The following SNAI1 variants were observed in gnomAD, a reference collection of about 807,000 sequenced individuals.
The protein encoded by SNAI1 is zinc finger protein SNAI1.
A neutral mutation model predicts 24.7 loss-of-function variants in SNAI1; 15 were observed. The ratio of observed to expected loss-of-function variants is 0.61; its 90% CI spans 0.41 to 0.93. The LOEUF is 0.93. SNAI1 is among the 40% of genes least tolerant of loss of function. The pLI is 0.00. For missense variants in SNAI1, 283 were observed against 336.7 expected, an observed-to-expected ratio of 0.84 and a Z score of 1.25; for synonymous variants, 163 against 142.9, an observed-to-expected ratio of 1.14 and a Z score of -1.00.
intron 2 of SNAI1, among the ~76,000 whole-genome samples, chr20:49,985,087 AC>A (rs2078329883): frequency 6.6e-6 from 1 of 151,960 alleles, no homozygotes; most frequent in Non-Finnish European, 1.5e-5. Context: ...CGGCTTCCCC[AC>A]CCCCACTGAA....
intron 2 of SNAI1, 121 bp downstream of exon 2, chr20:49,984,472 T>A: frequency 9.5e-7 from 1 of 1,047,412 alleles, no homozygotes; most frequent in Non-Finnish European, 1.3e-6. Context: ...AACTTCTAGC[T>A]CAAGTTCCAG....
intron 2 of SNAI1, among the ~76,000 whole-genome samples, chr20:49,984,791 T>C (rs556469465): frequency 6.6e-6 from 1 of 152,374 alleles, no homozygotes; most frequent in South Asian, 2.1e-4. Flanking sequence ...GTGAGCCTCA[T>C]TTTCTCTATC....
chr20:49,987,846 CG>C, intron 2 of SNAI1, 25 bp from the exon 3 acceptor site: 1 of 1,610,920 alleles, frequency 6.2e-7, no homozygotes, highest in Non-Finnish European at 8.5e-7. Context: ...ACGGCTCACT[CG>C]GCCTTTCTGG....
rs2078340637 is a variant in SNAI1, at chr20:49,988,264, G to A, written c.*208G>A. On this transcript the variant is annotated 3_prime_UTR_variant, in exon 3 of 3. Transcript: ENST00000244050. ...TGGGCTCTGGAAGAGGCCTTCCCAT[G>A]GCCATTTCTGTGGAGGGAGGGCAGC... is the stretch of plus-strand genomic sequence containing the variant. The A allele has an allele frequency of 1.9e-6, 1 of 530,078 alleles. No individual in the cohort carries two copies. The highest frequency in any genetic ancestry group is 3.3e-5 in the East Asian group (1 of 30,632). 32.8% of individuals were successfully genotyped at this position (530,078 alleles called of 1,614,324 possible).
chr20:49,983,861 G>A lies in SNAI1; in HGVS notation c.120G>A (p.Leu40=). 2 of 1,609,878 alleles carry A rather than the reference G, an allele frequency of 1.2e-6. No individual in the cohort carries two copies. The highest frequency in any genetic ancestry group is 1.7e-6 in the Non-Finnish European group (2 of 1,178,446). The stretch of plus-strand genomic sequence containing the variant: ...AGCAGCCCTACGACCAGGCCCACCT[G>A]CTGGCAGCCATCCCACCTCCGGAGA... The part of the protein sequence containing the change: ...TFQQPYDQAH[L]LAAIPPPEIL... Residue 40 remains leucine, a synonymous_variant, in exon 2 of 3, where the codon CTG becomes CTA. Coordinates refer to ENST00000244050, the MANE Select transcript of SNAI1 (RefSeq NM_005985.4).
chr20:49,985,084 C>T (rs775436887), intron 2 of SNAI1, among the ~76,000 whole-genome samples: 4 of 152,130 alleles, frequency 2.6e-5, no homozygotes, highest in Non-Finnish European at 5.9e-5. Context: ...GGTCGGCTTC[C>T]CCACCCCCAC....
Position 49,988,009 on chromosome 20 carries a change from C to G in SNAI1, c.748C>G (p.Leu250Val). 1 of 1,613,102 alleles carries G rather than the reference C, an allele frequency of 6.2e-7. No homozygotes were observed. The highest frequency in any genetic ancestry group is 8.5e-7 in the Non-Finnish European group (1 of 1,179,350). ...TGCTCGGACCTTCTCCCGAATGTCCCTGCTCCACAAGCACCAAGAGTCCGG... is the reference window on the plus strand; with the variant it reads ...TGCTCGGACCTTCTCCCGAATGTCCGTGCTCCACAAGCACCAAGAGTCCGG... ...ACARTFSRMS[L>V]LHKHQESGCS... Residue 250 changes from leucine (L) to valine (V), a missense_variant, in exon 3 of 3, where the codon CTG becomes GTG. Transcript: ENST00000244050.
rs762606596 is a variant in SNAI1, at chr20:49,983,913, A to G, written c.172A>G (p.Met58Val). Residue 58 changes from methionine to valine, a missense_variant, in exon 2 of 3, where the codon ATG becomes GTG. Transcript: ENST00000244050. ...CCTCAACCCCACCGCCTCGCTGCCA[A>G]TGCTCATCTGGGACTCTGTCCTGGC... ...EILNPTASLPMLIWDSVLAPQ... is the reference protein window; with the variant it reads ...EILNPTASLPVLIWDSVLAPQ... The G allele has an allele frequency of 7.4e-6, 12 of 1,613,254 alleles. No individual in the cohort carries two copies. Among genetic ancestry groups the G allele is most frequent in the African/African-American group, 1.3e-5 (1 of 74,868 alleles).
intron 1 of SNAI1, among the ~76,000 whole-genome samples, chr20:49,983,490 TG>T (rs1273252760): frequency 7.2e-5 from 2 of 27,728 alleles, no homozygotes; most frequent in East Asian, 1.7e-3. Flanking sequence ...AGGGGAGGGG[TG>T]GGGAGACGAG....
At position 49,988,569 on chromosome 20, in the gene SNAI1, C is replaced by T. The variant is rs933057156; in HGVS notation, c.*513C>T. On this transcript the variant is annotated 3_prime_UTR_variant, in exon 3 of 3. Coordinates refer to ENST00000244050, the MANE Select transcript of SNAI1 (RefSeq NM_005985.4). ...GTGGCAGACTAGAGTCTGAGATGCC[C>T]CGAGCCCAGGCAGCTATTTCAGCCT... 2 of 152,970 alleles carry T rather than the reference C, an allele frequency of 1.3e-5. No homozygotes were observed. Among genetic ancestry groups the T allele is most frequent in the African/African-American group, 4.8e-5 (2 of 41,466 alleles). 9.5% of individuals were successfully genotyped at this position (152,970 alleles called of 1,614,324 possible). A position where few individuals can be genotyped will look rare whatever the true frequency, so the allele number is the denominator to read the frequency against.
rs764552671 is a variant in SNAI1 at position 49,985,943 on chromosome 20, C to T, written c.610+1592C>T. On this transcript the variant is annotated intron_variant, in intron 2 of 2. Coordinates refer to ENST00000244050, the MANE Select transcript of SNAI1 (RefSeq NM_005985.4). The stretch of plus-strand genomic sequence containing the variant: ...GCCTCCTGCGTGTGCACACAGCCCC[C>T]GCCCCCAGCCCATCATGTCCTAGAA... Among the ~76,000 whole-genome samples the T allele has an allele frequency of 1.8e-3, 280 of 152,328 alleles. 2 individuals carry two copies. The highest frequency in any genetic ancestry group is 3.4e-3 in the Middle Eastern group (1 of 294).
intron 2 of SNAI1, among the ~76,000 whole-genome samples, chr20:49,987,321 G>A (rs1330315492): frequency 2.0e-5 from 3 of 152,190 alleles, no homozygotes; most frequent in African/African-American, 7.2e-5. Flanking sequence ...CCCCAACAGA[G>A]TAAATCAAGG....
chr20:49,988,450 C>CAA lies in SNAI1; in HGVS notation c.*394_*395insAA, dbSNP rs2078341400. 5.9e-6 allele frequency: 1 copy of CAA among 168,258 alleles called. No homozygotes were observed. Among genetic ancestry groups the CAA allele is most frequent in the Non-Finnish European group, 1.3e-5 (1 of 78,488 alleles). The allele number at this position is 168,258 out of a possible 1,614,324, so 10.4% of individuals were successfully genotyped here. On this transcript the variant is annotated 3_prime_UTR_variant, in exon 3 of 3. Coordinates refer to ENST00000244050, the MANE Select transcript of SNAI1 (RefSeq NM_005985.4). ...GGGACCCCACTCCCCTCACACACAC[C>CAA]CCCCCACAAGGAACCCTCAGGCCAC...
At chr20:49,985,436 C>T (rs992066635) in intron 2 of SNAI1, among the ~76,000 whole-genome samples, 5 of 152,300 alleles carry the variant, frequency 3.3e-5, no homozygotes, top group South Asian at 2.1e-4. Flanking sequence ...TCTCTTCCTT[C>T]GTGCACCAAT....
chr20:49,983,263 C>T (rs2078322594), intron 1 of SNAI1, 122 bp downstream of exon 1: 1 of 787,552 alleles, frequency 1.3e-6, no homozygotes, highest in African/African-American at 1.7e-5. Context: ...TTTTGTGGAC[C>T]ATTGCGGGCT....
chr20:49,985,675 G>T (rs1201515123), intron 2 of SNAI1, among the ~76,000 whole-genome samples: 1 of 152,222 alleles, frequency 6.6e-6, no homozygotes, highest in Non-Finnish European at 1.5e-5. Flanking sequence ...GTGCCTTAAT[G>T]GTGGGCCCAG....
Position 49,984,079 on chromosome 20 carries a change from TCTC to T in SNAI1, c.342_344del (p.Ser115del), listed in dbSNP as rs775450783. 6.8e-6 allele frequency: 11 copies of T among 1,614,028 alleles called. No individual in the cohort carries two copies. Among genetic ancestry groups the T allele is most frequent in the Admixed American group, 1.7e-5 (1 of 60,002 alleles). On this transcript the variant is annotated inframe_deletion, in exon 2 of 3. Coordinates refer to ENST00000244050, the MANE Select transcript of SNAI1 (RefSeq NM_005985.4). Reference sequence around the variant, plus strand: ...CCACCCTCACCGGCTCCTTCGTCCTTCTCCTCTACTTCAGTCTCTTCCTTGGAG... The same window carrying T: ...CCACCCTCACCGGCTCCTTCGTCCTTCTCTACTTCAGTCTCTTCCTTGGAG...
At chr20:49,983,737 C>A (rs2078324140) in intron 1 of SNAI1, 87 bp from the exon 2 acceptor site, 6 of 1,333,328 alleles carry the variant, frequency 4.5e-6, no homozygotes, top group Non-Finnish European at 6.1e-6. Flanking sequence ...GAATCGGCCC[C>A]ACCCAGCCCC....
At chr20:49,987,350 G>C (rs6091080) in intron 2 of SNAI1, among the ~76,000 whole-genome samples, 38,909 of 152,068 alleles carry the variant, frequency 0.26, 5,678 homozygotes, top group African/African-American at 0.4. Context: ...CAGGACTGAT[G>C]GTAAGGACAC....
Sources: gnomAD v4.1 joint callset for allele counts (sites outside exome capture counted in the v4.1 genomes callset) on GRCh38, gnomAD v4.1.1 for gene constraint, MANE v1.5 for transcripts, NCBI Gene and HGNC (gene_info 2026-07-23, HGNC 2026-07-21) for gene names.